The following NPAS1 variants were observed in gnomAD, a reference collection of about 807,000 sequenced individuals.
The protein encoded by NPAS1 is neuronal PAS domain protein 1.
A neutral mutation model predicts 49.2 loss-of-function variants in NPAS1; 29 were observed. That is an observed-to-expected ratio of 0.59 (90% CI 0.44 to 0.80). The LOEUF (loss-of-function observed/expected upper bound fraction) is 0.80, where lower values mean the gene tolerates loss of function less well. Ranked by LOEUF, NPAS1 falls within the 30% of genes least tolerant of loss-of-function variation. NPAS1 has a pLI of 0.00. For missense variants in NPAS1, 825 were observed against 835.5 expected (o/e 0.99, Z 0.15); for synonymous variants, 408 against 380.4 (o/e 1.07, Z -0.84).
chr19:47,028,456 C>T (rs1313405454), intron 3 of NPAS1, among the ~76,000 whole-genome samples: 3 of 152,042 alleles, frequency 2.0e-5, no homozygotes, highest in Non-Finnish European at 4.4e-5. Flanking sequence ...GGCGGGGTTT[C>T]GCCGCCTGGT....
Position 47,039,162 on chromosome 19 carries a change from G to A in NPAS1, c.804+11G>A, listed in dbSNP as rs1158817762. The stretch of plus-strand genomic sequence containing the variant: ...GCCTCAGGGTACAAGGTGGGTGTGA[G>A]CAGTCAGGCTCCTGTATTCCAGGCA... On this transcript the variant is annotated intron_variant, in intron 7 of 11. Transcript: ENST00000602212. 9 of 1,593,110 alleles carry A rather than the reference G, an allele frequency of 5.6e-6. No homozygotes were observed. In the Admixed American group the frequency reaches 6.9e-5, roughly 12 times the overall value.
intron 3 of NPAS1, among the ~76,000 whole-genome samples, chr19:47,023,340 T>C (rs1271254816): frequency 6.6e-6 from 1 of 152,088 alleles, no homozygotes; most frequent in East Asian, 1.9e-4. Flanking sequence ...ATTCCGGGGC[T>C]CAGAGGCATC....
At chr19:47,039,318 G>C in intron 7 of NPAS1, 89 bp from the exon 8 acceptor site, 3 of 1,559,826 alleles carry the variant, frequency 1.9e-6, no homozygotes, top group Non-Finnish European at 2.6e-6. Flanking sequence ...CAGCACCTGT[G>C]GGGGACAGAG....
intron 10 of NPAS1, among the ~76,000 whole-genome samples, chr19:47,041,401 C>G (rs1482958259): frequency 6.6e-6 from 1 of 152,030 alleles, no homozygotes; most frequent in Non-Finnish European, 1.5e-5. Context: ...GGTGGAGGGT[C>G]TGGACTCTTG....
At position 47,039,065 on chromosome 19, in the gene NPAS1, T is replaced by C; in HGVS notation, c.718T>C (p.Ser240Pro). 6.2e-7 allele frequency: 1 copy of C among 1,614,074 alleles called. No individual in the cohort carries two copies. Among genetic ancestry groups the C allele is most frequent in the Non-Finnish European group, 8.5e-7 (1 of 1,180,004 alleles). ...EASLTKVPPS[S>P]LVQERSFFVR... is the part of the protein sequence containing the mutation. ...CAGCCTCACCAAGGTGCCCCCCTCC[T>C]CCCTGGTCCAGGAGCGCTCCTTCTT... The change falls in exon 7 of 12, where the codon TCC becomes CCC. Residue 240 changes from serine (S) to proline (P), a missense_variant. Ser to Pro is a moderately conservative substitution (Grantham distance 74, BLOSUM62 -1). Transcript: ENST00000602212.
In NPAS1 at chr19:47,032,333, G is replaced by A; in HGVS notation, c.414G>A (p.Leu138=). The A allele has an allele frequency of 6.2e-7, 1 of 1,614,028 alleles. No individual in the cohort carries two copies. Among genetic ancestry groups the A allele is most frequent in the African/African-American group, 1.3e-5 (1 of 75,014 alleles). The part of the protein sequence containing the change: ...ALVSEVFEQH[L]GGHILQSLDG... ...TCTCCGAAGTCTTCGAGCAGCACCT[G>A]GGAGGTCACATCTTGCAGGTGAGTG... Residue 138 remains leucine (L), a synonymous_variant, in exon 4 of 12, where the codon CTG becomes CTA. Coordinates refer to ENST00000602212, the MANE Select transcript of NPAS1 (RefSeq NM_002517.4).
In NPAS1 at chr19:47,032,798, C is replaced by T. The variant is rs1372077699; in HGVS notation, c.522+66C>T. 38 of 1,138,284 alleles carry T rather than the reference C, an allele frequency of 3.3e-5. No homozygotes were observed. The Admixed American group carries it at 5.0e-4, about 15-fold the overall frequency. 70.5% of individuals were successfully genotyped at this position (1,138,284 alleles called of 1,614,324 possible). Reference sequence around the variant, plus strand: ...TCTCCCTTGCCAGGCCTATGCATATCCTTCCTCTCTCCTGGTCTCACCATA... The same window carrying T: ...TCTCCCTTGCCAGGCCTATGCATATTCTTCCTCTCTCCTGGTCTCACCATA... On this transcript the variant is annotated intron_variant, in intron 5 of 11. Transcript: ENST00000602212.
intron 6 of NPAS1, 135 bp from the exon 7 acceptor site, chr19:47,038,901 A>G: frequency 1.4e-6 from 1 of 697,078 alleles, no homozygotes; most frequent in South Asian, 1.7e-5. Context: ...TTTCAAAATC[A>G]TCAGGCATGC....
At position 47,039,016 on chromosome 19, in the gene NPAS1, T is replaced by G; in HGVS notation, c.689-20T>G. 1 of 1,609,164 alleles carries G rather than the reference T, an allele frequency of 6.2e-7. No homozygotes were observed. The highest frequency in any genetic ancestry group is 1.1e-5 in the South Asian group (1 of 90,974). The stretch of plus-strand genomic sequence containing the variant: ...TTTCCTCTTCAGGACCCCATAACCT[T>G]CCTTCACTCTCTGTCCCAGAGGCCA... On this transcript the variant is annotated intron_variant, in intron 6 of 11. Transcript: ENST00000602212.
chr19:47,036,034 T>C lies in NPAS1; in HGVS notation c.593T>C (p.Leu198Pro). 1 of 1,605,538 alleles carries C rather than the reference T, an allele frequency of 6.2e-7. No homozygotes were observed. The highest frequency in any genetic ancestry group is 8.5e-7 in the Non-Finnish European group (1 of 1,175,860). The change falls in exon 6 of 12, where the codon CTG becomes CCG. Residue 198 changes from leucine to proline, a missense_variant. By Grantham distance (98) the Leu-to-Pro change is moderately conservative. Transcript: ENST00000602212. ...PGDHSEVLEQ[L>P]GLRTPTPGPP... ...GACCACTCAGAGGTGCTGGAGCAAC[T>C]GGGGCTGCGGACGCCGACGCCCGGC...
At chr19:47,029,079 G>A (rs891121746) in intron 3 of NPAS1, among the ~76,000 whole-genome samples, 2 of 150,936 alleles carry the variant, frequency 1.3e-5, no homozygotes, top group East Asian at 3.9e-4. Flanking sequence ...GTTTGTTTTT[G>A]TTTTTATTTT....
rs2056846530 is a variant in NPAS1 at position 47,022,174 on chromosome 19, CG to C, written c.358+330del. ...CCAAAGAAACTCCCAGCTGCATGAG[CG>C]GGACAGAGGGGACTCACCCTGGCTT... On this transcript the variant is annotated intron_variant, in intron 3 of 11. Transcript: ENST00000602212. Among the ~76,000 whole-genome samples, 6 of 152,274 alleles carry C rather than the reference CG, an allele frequency of 3.9e-5. No individual in the cohort carries two copies. The South Asian group carries it at 1.2e-3, about 32-fold the overall frequency.
chr19:47,039,138 C>T lies in NPAS1; in HGVS notation c.791C>T (p.Ala264Val). Residue 264 changes from alanine to valine, a missense_variant, in exon 7 of 12, where the codon GCC (alanine) becomes GTC (valine). Physicochemically the swap from Ala to Val is moderately conservative, Grantham distance 64 (BLOSUM62 0). Coordinates refer to ENST00000602212, the MANE Select transcript of NPAS1 (RefSeq NM_002517.4). ...TLTKRGLHVK[A>V]SGYKVIHVTG... ...ACCAAGAGGGGGCTGCACGTCAAGG[C>T]CTCAGGGTACAAGGTGGGTGTGAGC... 6.2e-7 allele frequency: 1 copy of T among 1,610,066 alleles called. No homozygotes were observed. Among genetic ancestry groups the T allele is most frequent in the East Asian group, 2.2e-5 (1 of 44,886 alleles).
At chr19:47,032,777 C>T (rs760820899) in intron 5 of NPAS1, 45 bp downstream of exon 5, 42 of 1,357,088 alleles carry the variant, frequency 3.1e-5, no homozygotes, top group Non-Finnish European at 4.1e-5. Flanking sequence ...CCACCATCTC[C>T]CTTGCCAGGC....
chr19:47,041,035 G>C lies in NPAS1; in HGVS notation c.1127G>C (p.Gly376Ala). ...GYYRWLQRAG[G>A]FVWLQSVATV... ...TACCGTTGGCTGCAGCGTGCCGGGG[G>C]CTTCGTGTGGCTGCAGTCTGTGGCC... Residue 376 changes from glycine to alanine, a missense_variant, in exon 10 of 12, where the codon GGC (glycine) becomes GCC (alanine). Gly to Ala is a moderately conservative substitution (Grantham distance 60, BLOSUM62 0). Coordinates refer to ENST00000602212, the MANE Select transcript of NPAS1 (RefSeq NM_002517.4). 1 of 1,575,082 alleles carries C rather than the reference G, an allele frequency of 6.3e-7. No homozygotes were observed. The highest frequency in any genetic ancestry group is 8.6e-7 in the Non-Finnish European group (1 of 1,163,296).
intron 1 of NPAS1, among the ~76,000 whole-genome samples, chr19:47,020,363 G>A (rs1021323728): frequency 1.3e-4 from 19 of 151,906 alleles, no homozygotes; most frequent in African/African-American, 4.6e-4. Context: ...GGCAGAGGCT[G>A]CGGCGGCTGC....
intron 3 of NPAS1, among the ~76,000 whole-genome samples, chr19:47,023,071 G>A (rs926356748): frequency 1.3e-5 from 2 of 152,208 alleles, no homozygotes; most frequent in Non-Finnish European, 2.9e-5. Flanking sequence ...GGAAGAGGGG[G>A]GAGAGAAAAT....
At chr19:47,032,844 GA>G in intron 5 of NPAS1, 112 bp downstream of exon 5, 1 of 752,606 alleles carries the variant, frequency 1.3e-6, no homozygotes. Context: ...AAATGGACTG[GA>G]TCTCTGTGGT....
chr19:47,030,002 T>C (rs184113024), intron 3 of NPAS1, among the ~76,000 whole-genome samples: 3 of 152,172 alleles, frequency 2.0e-5, no homozygotes. Flanking sequence ...TTCTGTGTTT[T>C]TTGTTTTGTT....
Sources: gnomAD v4.1 joint callset for allele counts (sites outside exome capture counted in the v4.1 genomes callset) on GRCh38, gnomAD v4.1.1 for gene constraint, MANE v1.5 for transcripts, NCBI Gene and HGNC (gene_info 2026-07-23, HGNC 2026-07-21) for gene names.